The following OR52N2 variants were observed in gnomAD, a reference collection of about 807,000 sequenced individuals.
The protein encoded by OR52N2 is olfactory receptor 52N2.
For synonymous variants in OR52N2, 129 were observed against 72.0 expected (o/e 1.79, Z -4.01); for missense variants, 326 against 196.6 (o/e 1.66, Z -3.94).
In OR52N2 at chr11:5,809,626, T is replaced by C. The variant is rs181476474; in HGVS notation, c.-55+572T>C. ...TCTTTGAAGAGGAACTCAGAGAAAATTATTGTATCTTACATTGTCTTTCAA... is the reference window on the plus strand; with the variant it reads ...TCTTTGAAGAGGAACTCAGAGAAAACTATTGTATCTTACATTGTCTTTCAA... On this transcript the variant is annotated intron_variant, in intron 1 of 1. Transcript: ENST00000317037. 3.3e-5 allele frequency among the ~76,000 whole-genome samples: 5 copies of C among 151,710 alleles called. No individual in the cohort carries two copies. The East Asian group carries it at 9.7e-4, about 29-fold the overall frequency.
rs1174551164 is a variant in OR52N2 at position 5,820,292 on chromosome 11, A to G, written c.-44A>G. The G allele has an allele frequency of 1.3e-6, 1 of 765,756 alleles. No homozygotes were observed. Among genetic ancestry groups the G allele is most frequent in the Non-Finnish European group, 2.4e-6 (1 of 411,528 alleles). The allele number at this position is 765,756 out of a possible 1,614,324, so 47.4% of individuals were successfully genotyped here. Reference sequence around the variant, plus strand: ...CTCTCCCTCTCCTAGGCAGAAAGCAATGGCTGCTAAAGAGTATAAAATGCT... The same window carrying G: ...CTCTCCCTCTCCTAGGCAGAAAGCAGTGGCTGCTAAAGAGTATAAAATGCT... On this transcript the variant is annotated 5_prime_UTR_variant, in exon 2 of 2. The change abolishes an upstream ATG in the 5' untranslated region. Coordinates refer to ENST00000317037, the MANE Select transcript of OR52N2 (RefSeq NM_001005174.3).
rs745666880 is a variant in OR52N2 at position 5,820,383 on chromosome 11, G to C, written c.48G>C (p.Leu16Phe). 2.6e-6 allele frequency: 2 copies of C among 780,878 alleles called. No individual in the cohort carries two copies. The highest frequency in any genetic ancestry group is 4.8e-6 in the Non-Finnish European group (2 of 418,092). 48.4% of individuals were successfully genotyped at this position (780,878 alleles called of 1,614,324 possible). A position where few individuals can be genotyped will look rare whatever the true frequency, so the allele number is the denominator to read the frequency against. Residue 16 changes from leucine (L) to phenylalanine (F), a missense_variant, in exon 2 of 2, where the codon TTG (leucine) becomes TTC (phenylalanine). By Grantham distance (22) the Leu-to-Phe change is conservative. Transcript: ENST00000317037. ...SSSLTPGFFI[L>F]NGVPGLEATH... is the part of the protein sequence containing the mutation. ...GCCTGACCCCAGGATTCTTTATCTTGAATGGCGTTCCTGGGCTGGAAGCCA... is the reference window on the plus strand; with the variant it reads ...GCCTGACCCCAGGATTCTTTATCTTCAATGGCGTTCCTGGGCTGGAAGCCA...
intron 1 of OR52N2, among the ~76,000 whole-genome samples, chr11:5,815,554 C>A (rs1211947570): frequency 2.0e-5 from 3 of 151,990 alleles, no homozygotes; most frequent in African/African-American, 4.8e-5. Flanking sequence ...AGGATGGCTA[C>A]TATAAAAATA....
At chr11:5,812,236 T>C (rs1024429544) in intron 1 of OR52N2, among the ~76,000 whole-genome samples, 1 of 152,002 alleles carries the variant, frequency 6.6e-6, no homozygotes, top group Non-Finnish European at 1.5e-5. Context: ...GGCTCACACC[T>C]GTAATCCCAG....
chr11:5,820,047 G>A (rs867610999), intron 1 of OR52N2, among the ~76,000 whole-genome samples: 1 of 152,306 alleles, frequency 6.6e-6, no homozygotes, highest in Middle Eastern at 3.4e-3. Flanking sequence ...GTTGTGCTGG[G>A]GAGAGGTGTG....
Position 5,820,962 on chromosome 11 carries a change from T to C in OR52N2, c.627T>C (p.Gly209=), listed in dbSNP as rs990897271. ...IYGLMVALLI[G]VFDICCISVS... is the part of the protein sequence containing the mutation. ...GTCTGATGGTTGCTCTCCTGATTGG[T>C]GTGTTTGATATCTGCTGTATCTCTG... is the stretch of plus-strand genomic sequence containing the variant. The change falls in exon 2 of 2, where the codon GGT becomes GGC. Residue 209 remains glycine (G), a synonymous_variant. Coordinates refer to ENST00000317037, the MANE Select transcript of OR52N2 (RefSeq NM_001005174.3). 1.3e-6 allele frequency: 1 copy of C among 781,080 alleles called. No individual in the cohort carries two copies. Among genetic ancestry groups the C allele is most frequent in the Non-Finnish European group, 2.4e-6 (1 of 418,126 alleles). The allele number at this position is 781,080 out of a possible 1,614,324, so 48.4% of individuals were successfully genotyped here. A position where few individuals can be genotyped will look rare whatever the true frequency, so the allele number is the denominator to read the frequency against.
At chr11:5,810,709 G>T (rs145682090) in intron 1 of OR52N2, among the ~76,000 whole-genome samples, 1 of 152,242 alleles carries the variant, frequency 6.6e-6, no homozygotes, top group African/African-American at 2.4e-5. Context: ...CACATGAAGG[G>T]ACTGAAAACA....
chr11:5,812,512 AG>A (rs1846371653), intron 1 of OR52N2, among the ~76,000 whole-genome samples: 1 of 149,002 alleles, frequency 6.7e-6, no homozygotes. Flanking sequence ...AAAAAAAAAA[AG>A]AAATGAGGAA....
intron 1 of OR52N2, among the ~76,000 whole-genome samples, chr11:5,811,371 A>G (rs11039118): frequency 0.11 from 16,195 of 152,186 alleles, 1,091 homozygotes; most frequent in East Asian, 0.25. Flanking sequence ...ATAGACAGCT[A>G]CAATAGTTTG....
At chr11:5,813,804 G>T (rs1487558924) in intron 1 of OR52N2, among the ~76,000 whole-genome samples, 1 of 152,074 alleles carries the variant, frequency 6.6e-6, no homozygotes, top group East Asian at 1.9e-4. Flanking sequence ...CAACAGCACA[G>T]TAAAAGGATC....
intron 1 of OR52N2, among the ~76,000 whole-genome samples, chr11:5,812,494 C>CG (rs1846371036): frequency 9.6e-6 from 1 of 104,102 alleles, no homozygotes; most frequent in African/African-American, 4.1e-5. Flanking sequence ...GACTCCATCT[C>CG]AAAAAAAAAA....
intron 1 of OR52N2, among the ~76,000 whole-genome samples, chr11:5,811,646 G>C (rs73394320): frequency 0.055 from 8,364 of 151,986 alleles, 270 homozygotes; most frequent in African/African-American, 0.066. Context: ...GACAACAAGA[G>C]AAAAAGAAGG....
At chr11:5,816,463 T>C (rs1356487809) in intron 1 of OR52N2, among the ~76,000 whole-genome samples, 1 of 152,178 alleles carries the variant, frequency 6.6e-6, no homozygotes, top group Non-Finnish European at 1.5e-5. Context: ...TTTAAAGAAC[T>C]GCATAGGAGG....
intron 1 of OR52N2, among the ~76,000 whole-genome samples, chr11:5,818,193 A>G (rs1846418717): frequency 6.6e-6 from 1 of 152,164 alleles, no homozygotes; most frequent in South Asian, 2.1e-4. Flanking sequence ...AATTTTCTAT[A>G]TTAAAGACAT....
rs755375279 is a variant in OR52N2, at chr11:5,820,920, G to C, written c.585G>C (p.Lys195Asn). 3 of 780,994 alleles carry C rather than the reference G, an allele frequency of 3.8e-6. No individual in the cohort carries two copies. The highest frequency in any genetic ancestry group is 7.2e-6 in the Non-Finnish European group (3 of 418,112). 48.4% of individuals were successfully genotyped at this position (780,994 alleles called of 1,614,324 possible). Residue 195 changes from lysine (K) to asparagine (N), a missense_variant, in exon 2 of 2, where the codon AAG (lysine) becomes AAC (asparagine). Physicochemically the swap from Lys to Asn is moderately conservative, Grantham distance 94 (BLOSUM62 0). Coordinates refer to ENST00000317037, the MANE Select transcript of OR52N2 (RefSeq NM_001005174.3). Reference sequence around the variant, plus strand: ...CCAAGGTATCCTGTGGCAATTTCAAGGTCAATGCTATTTATGGTCTGATGG... The same window carrying C: ...CCAAGGTATCCTGTGGCAATTTCAACGTCAATGCTATTTATGGTCTGATGG... The part of the protein sequence containing the change: ...SVAKVSCGNF[K>N]VNAIYGLMVA...
chr11:5,809,551 A>G (rs1044894635), intron 1 of OR52N2, among the ~76,000 whole-genome samples: 2 of 152,154 alleles, frequency 1.3e-5, no homozygotes, highest in African/African-American at 4.8e-5. Flanking sequence ...GTAACTAAGG[A>G]AAAGGAAAGT....
At chr11:5,818,662 T>C (rs967245408) in intron 1 of OR52N2, among the ~76,000 whole-genome samples, 3 of 152,144 alleles carry the variant, frequency 2.0e-5, no homozygotes, top group African/African-American at 7.2e-5. Context: ...TAAGGGGCAA[T>C]GTTTTTTACT....
chr11:5,821,168 TC>T lies in OR52N2; in HGVS notation c.834del (p.Ile278MetfsTer13), dbSNP rs1302551541. 3.8e-6 allele frequency: 3 copies of T among 780,918 alleles called. No individual in the cohort carries two copies. The Admixed American group carries it at 5.1e-5, about 13-fold the overall frequency. The allele number at this position is 780,918 out of a possible 1,614,324, so 48.4% of individuals were successfully genotyped here. The part of the protein sequence containing the change: ...GHNIPNHIHI[I>X]VANLYLLLPP... ...AATATCCCAAACCACATACACATCA[TC>T]GTGGCCAACCTTTATCTGCTACTGC... On this transcript the variant is annotated frameshift_variant, in exon 2 of 2. Transcript: ENST00000317037. LOFTEE classifies it low-confidence loss of function (END_TRUNC).
chr11:5,818,443 A>C (rs986741301), intron 1 of OR52N2, among the ~76,000 whole-genome samples: 13 of 152,124 alleles, frequency 8.5e-5, no homozygotes, highest in Admixed American at 3.9e-4. Flanking sequence ...TTCCCCAGGG[A>C]AACAAAAAAT....
Sources: gnomAD v4.1 joint callset for allele counts (sites outside exome capture counted in the v4.1 genomes callset) on GRCh38, gnomAD v4.1.1 for gene constraint, MANE v1.5 for transcripts, NCBI Gene and HGNC (gene_info 2026-07-23, HGNC 2026-07-21) for gene names.